TESK2: variants seen among roughly 807,000 people sequenced by gnomAD.
TESK2 encodes dual specificity testis-specific protein kinase 2.
TESK2 carries 39 observed loss-of-function variants against 57.1 expected under a neutral mutation model. The ratio of observed to expected loss-of-function variants is 0.68; its 90% confidence interval spans 0.53 to 0.89. TESK2 has a LOEUF of 0.89. Among genes scored for constraint, TESK2 ranks in the 40% least tolerant of loss-of-function variants. TESK2 has a pLI of 0.00. For missense variants in TESK2, 646 were observed against 732.1 expected, an observed-to-expected ratio of 0.88 and a Z score of 1.36; for synonymous variants, 249 against 267.9, an observed-to-expected ratio of 0.93 and a Z score of 0.69.
chr1:45,412,356 T>C (rs1367074456), intron 3 of TESK2, among the ~76,000 whole-genome samples: 1 of 152,246 alleles, frequency 6.6e-6, no homozygotes. Context: ...ACAGCTTAGC[T>C]TCTCATTAGA....
chr1:45,379,294 C>G (rs1648556678), intron 4 of TESK2, among the ~76,000 whole-genome samples: 1 of 152,160 alleles, frequency 6.6e-6, no homozygotes, highest in Non-Finnish European at 1.5e-5. Context: ...GCAGGAGTAG[C>G]TGGGACCACA....
At chr1:45,428,816 A>ATTTTTTTTTT (rs71052876) in intron 2 of TESK2, among the ~76,000 whole-genome samples, 9 of 82,592 alleles carry the variant, frequency 1.1e-4, no homozygotes, top group Admixed American at 3.7e-4. Context: ...TAAATTCCTG[A>ATTTTTTTTTT]TTTTTTTTTT....
At chr1:45,414,541 G>C (rs1360691932) in intron 3 of TESK2, among the ~76,000 whole-genome samples, 1 of 152,036 alleles carries the variant, frequency 6.6e-6, no homozygotes, top group Non-Finnish European at 1.5e-5. Flanking sequence ...GTGGAGGTGG[G>C]GATCATTCCT....
At chr1:45,357,844 A>C (rs1647503396) in intron 4 of TESK2, among the ~76,000 whole-genome samples, 1 of 151,696 alleles carries the variant, frequency 6.6e-6, no homozygotes, top group Non-Finnish European at 1.5e-5. Context: ...TGTCTCTACT[A>C]AAAATACAAA....
At chr1:45,396,248 C>G (rs1649350578) in intron 3 of TESK2, among the ~76,000 whole-genome samples, 1 of 152,078 alleles carries the variant, frequency 6.6e-6, no homozygotes, top group African/African-American at 2.4e-5. Flanking sequence ...CATGTGCCCC[C>G]ATACCTGGCT....
intron 2 of TESK2, among the ~76,000 whole-genome samples, chr1:45,439,390 A>G (rs147759853): frequency 6.6e-6 from 1 of 152,338 alleles, no homozygotes; most frequent in African/African-American, 2.4e-5. Context: ...ATTGTTATAG[A>G]TACTATGCAA....
At chr1:45,490,656 G>C (rs999042046) in intron 1 of TESK2, among the ~76,000 whole-genome samples, 196 bp downstream of exon 1, 3 of 152,112 alleles carry the variant, frequency 2.0e-5, no homozygotes, top group Non-Finnish European at 2.9e-5. Flanking sequence ...TGAGGGAAGT[G>C]AGAAGGAAAG....
At chr1:45,460,153 C>A (rs1652273518) in intron 1 of TESK2, among the ~76,000 whole-genome samples, 1 of 151,932 alleles carries the variant, frequency 6.6e-6, no homozygotes, top group Admixed American at 6.6e-5. Flanking sequence ...ACCTCAGCAC[C>A]ACACAATATA....
chr1:45,463,579 G>A (rs1176414579), intron 1 of TESK2, among the ~76,000 whole-genome samples: 1 of 151,782 alleles, frequency 6.6e-6, no homozygotes, highest in Non-Finnish European at 1.5e-5. Flanking sequence ...TGTGTGTCTG[G>A]TTTTTTGTTT....
At chr1:45,380,402 C>T (rs752874014) in intron 4 of TESK2, among the ~76,000 whole-genome samples, 35 of 152,132 alleles carry the variant, frequency 2.3e-4, no homozygotes, top group African/African-American at 6.5e-4. Context: ...TTGATTTTGA[C>T]GGTATTTCCT....
At chr1:45,432,507 C>T (rs1468557320) in intron 2 of TESK2, among the ~76,000 whole-genome samples, 8 of 151,018 alleles carry the variant, frequency 5.3e-5, no homozygotes, top group East Asian at 4.1e-4. Flanking sequence ...CTGGCTAACA[C>T]GGTGAAACCC....
chr1:45,465,451 T>TGGAA lies in TESK2; in HGVS notation c.-86-7584_-86-7581dup, dbSNP rs61097907. Among the ~76,000 whole-genome samples, 1,013 of 104,498 alleles carry TGGAA rather than the reference T, an allele frequency of 9.7e-3. 5 individuals carry two copies. Among genetic ancestry groups the TGGAA allele is most frequent in the African/African-American group, 0.023 (693 of 29,636 alleles). 68.6% of individuals were successfully genotyped at this position (104,498 alleles called of 152,430 possible). ...GAGAGAGAGAGAAAGAGAAAAGAGA[T>TGGAA]GGAAGGAAGGAAGGAAGGAAGGAAG... is the stretch of plus-strand genomic sequence containing the variant. On this transcript the variant is annotated intron_variant, in intron 1 of 10. Transcript: ENST00000372086.
intron 2 of TESK2, among the ~76,000 whole-genome samples, chr1:45,439,685 T>C (rs1273481530): frequency 6.6e-6 from 1 of 152,178 alleles, no homozygotes; most frequent in Admixed American, 6.6e-5. Context: ...CTAGGCATGG[T>C]AGCAAACACC....
chr1:45,412,467 A>G (rs1208951775), intron 3 of TESK2, among the ~76,000 whole-genome samples: 1 of 152,240 alleles, frequency 6.6e-6, no homozygotes, highest in Non-Finnish European at 1.5e-5. Context: ...ATATCCTGCC[A>G]TATTCTCACA....
At chr1:45,451,570 G>C (rs1453104256) in intron 2 of TESK2, among the ~76,000 whole-genome samples, 1 of 152,152 alleles carries the variant, frequency 6.6e-6, no homozygotes, top group Admixed American at 6.5e-5. Context: ...TGTAGAGCAT[G>C]GTCTGCCTTA....
chr1:45,353,552 A>G (rs910610242), intron 5 of TESK2, among the ~76,000 whole-genome samples: 2 of 152,110 alleles, frequency 1.3e-5, no homozygotes, highest in African/African-American at 4.8e-5. Context: ...CCTCCCCTTC[A>G]TCTGGGGCAG....
intron 1 of TESK2, among the ~76,000 whole-genome samples, chr1:45,462,138 CA>C (rs1652354700): frequency 6.6e-6 from 1 of 152,146 alleles, no homozygotes; most frequent in Non-Finnish European, 1.5e-5. Context: ...TCTCTATCTC[CA>C]TGAGTTCAAT....
chr1:45,392,303 C>G (rs929096729), intron 3 of TESK2, among the ~76,000 whole-genome samples: 6 of 152,222 alleles, frequency 3.9e-5, no homozygotes, highest in Admixed American at 6.5e-5. Flanking sequence ...CCAGGCTGGT[C>G]TTAAACTTCC....
intron 3 of TESK2, among the ~76,000 whole-genome samples, chr1:45,405,948 T>G (rs1649829432): frequency 6.6e-6 from 1 of 152,038 alleles, no homozygotes; most frequent in South Asian, 2.1e-4. Context: ...CCCAGCTGGT[T>G]GCAGTGGCTC....
Sources: allele counts gnomAD v4.1 joint callset (sites outside exome capture counted in the v4.1 genomes callset), GRCh38; gene constraint gnomAD v4.1.1; transcripts MANE v1.5; gene names NCBI Gene and HGNC (gene_info 2026-07-23, HGNC 2026-07-21).